The following ACTR2 variants were observed in gnomAD, a reference collection of about 807,000 sequenced individuals.
ACTR2 encodes the protein actin-related protein 2.
A neutral mutation model predicts 50.2 loss-of-function variants in ACTR2; 5 were observed. The ratio of observed to expected loss-of-function variants is 0.10; its 90% CI spans 0.05 to 0.21. The LOEUF is 0.21. Ranked by LOEUF, ACTR2 falls within the 10% of genes least tolerant of loss-of-function variation. ACTR2 has a pLI of 1.00. For synonymous variants in ACTR2, 140 were observed against 162.9 expected (o/e 0.86, Z 1.07); for missense variants, 180 against 480.6 (o/e 0.37, Z 5.85).
rs1268614378 is a variant in ACTR2, at chr2:65,270,466, A to G, written c.*1732A>G. 1 of 152,650 alleles carries G rather than the reference A, an allele frequency of 6.6e-6. No individual in the cohort carries two copies. Among genetic ancestry groups the G allele is most frequent in the Non-Finnish European group, 1.5e-5 (1 of 68,050 alleles). 9.5% of individuals were successfully genotyped at this position (152,650 alleles called of 1,614,324 possible). ...ATAGCCCGTACTAGATCTTGGGAAC[A>G]TGGATCTTAGAGTCACTTTGGAATA... On this transcript the variant is annotated 3_prime_UTR_variant, in exon 9 of 9. Coordinates refer to ENST00000260641, the MANE Select transcript of ACTR2 (RefSeq NM_005722.4).
In ACTR2 at chr2:65,268,617, G is replaced by C; in HGVS notation, c.1068G>C (p.Leu356=). The change falls in exon 9 of 9, where the codon CTG becomes CTC. Residue 356 remains leucine (L), a synonymous_variant. Transcript: ENST00000260641. ...CCCGCAGAAAGCACATGGTATTCCT[G>C]GGTGGTGCAGTTCTAGCGGATATCA... ...DPPRRKHMVF[L]GGAVLADIMK... 1.2e-6 allele frequency: 2 copies of C among 1,614,128 alleles called. No homozygotes were observed. The highest frequency in any genetic ancestry group is 1.7e-6 in the Non-Finnish European group (2 of 1,180,002).
chr2:65,233,341 A>G (rs921888273), intron 1 of ACTR2, among the ~76,000 whole-genome samples: 1 of 151,634 alleles, frequency 6.6e-6, no homozygotes, highest in Admixed American at 6.6e-5. Context: ...AGAAGTAATC[A>G]GATTGTCAGT....
At chr2:65,257,404 A>G (rs1672170826) in intron 6 of ACTR2, among the ~76,000 whole-genome samples, 2 of 152,212 alleles carry the variant, frequency 1.3e-5, no homozygotes, top group Admixed American at 1.3e-4. Flanking sequence ...GTGCTGCAGT[A>G]AACATATGTG....
intron 2 of ACTR2, among the ~76,000 whole-genome samples, chr2:65,245,538 T>C (rs1671919492): frequency 6.6e-6 from 1 of 152,160 alleles, no homozygotes; most frequent in Non-Finnish European, 1.5e-5. Flanking sequence ...AATCTCGTGT[T>C]AATTTTGCTG....
At chr2:65,256,935 A>T (rs956273172) in intron 6 of ACTR2, among the ~76,000 whole-genome samples, 48 of 151,852 alleles carry the variant, frequency 3.2e-4, no homozygotes, top group African/African-American at 1.1e-3. Flanking sequence ...ACCCCCATTT[A>T]AAATTTTTTT....
chr2:65,246,175 C>T (rs1671935525), intron 2 of ACTR2: 1 of 165,866 alleles, frequency 6.0e-6, no homozygotes, highest in Admixed American at 6.3e-5. Context: ...TGCTATTTCA[C>T]ATATCACAGG....
intron 4 of ACTR2, among the ~76,000 whole-genome samples, 166 bp from the exon 5 acceptor site, chr2:65,253,562 G>T (rs1276806739): frequency 6.6e-6 from 1 of 152,014 alleles, no homozygotes; most frequent in African/African-American, 2.4e-5. Context: ...GAGAACACTC[G>T]CTTTAATACT....
chr2:65,228,180 G>T (rs574102308), intron 1 of ACTR2: 4 of 414,078 alleles, frequency 9.7e-6, no homozygotes, highest in African/African-American at 2.1e-5. Flanking sequence ...CCTTCCGGGT[G>T]GGGGCGGCGG....
intron 3 of ACTR2, among the ~76,000 whole-genome samples, chr2:65,248,640 T>G (rs1012558917): frequency 3.3e-5 from 5 of 152,126 alleles, no homozygotes. Context: ...AAGGTAGGGC[T>G]ATAAATGATA....
chr2:65,260,323 A>G (rs1248885108), intron 6 of ACTR2, among the ~76,000 whole-genome samples: 1 of 152,224 alleles, frequency 6.6e-6, no homozygotes, highest in Non-Finnish European at 1.5e-5. Context: ...CCTGGTCAAC[A>G]TGATGAAACC....
At position 65,246,731 on chromosome 2, in the gene ACTR2, A is replaced by G. The variant is rs774885574; in HGVS notation, c.367A>G (p.Ile123Val). Residue 123 changes from isoleucine to valine, a missense_variant, in exon 3 of 9, where the codon ATT becomes GTT. Physicochemically the swap from Ile to Val is conservative, Grantham distance 29. Coordinates refer to ENST00000260641, the MANE Select transcript of ACTR2 (RefSeq NM_005722.4). ...PMNPTKNREK[I>V]VEVMFETYQF... ...GAACCCAACCAAAAACAGAGAGAAG[A>G]TTGTAGAGGTGAGTTTTTATGCAGG... 2.5e-6 allele frequency: 4 copies of G among 1,605,194 alleles called. No individual in the cohort carries two copies. Among genetic ancestry groups the G allele is most frequent in the African/African-American group, 1.3e-5 (1 of 74,232 alleles).
At chr2:65,262,525 G>C (rs1046042620) in intron 7 of ACTR2, among the ~76,000 whole-genome samples, 1 of 144,458 alleles carries the variant, frequency 6.9e-6, no homozygotes. Flanking sequence ...AAACTTCTTA[G>C]TTTGATGTAA....
chr2:65,230,211 A>G (rs1671608934), intron 1 of ACTR2, among the ~76,000 whole-genome samples: 2 of 152,200 alleles, frequency 1.3e-5, no homozygotes, highest in Non-Finnish European at 2.9e-5. Flanking sequence ...ATTGGCCTCT[A>G]AATAAATAAA....
chr2:65,246,117 G>A (rs1671934035), intron 2 of ACTR2: 1 of 159,154 alleles, frequency 6.3e-6, no homozygotes, highest in South Asian at 1.8e-4. Context: ...GCAAAGAAAT[G>A]TGCTGCATGC....
intron 1 of ACTR2, among the ~76,000 whole-genome samples, chr2:65,233,660 G>A (rs564561629): frequency 1.8e-3 from 278 of 151,630 alleles, no homozygotes; most frequent in African/African-American, 6.5e-3. Context: ...CTCCCAGGCT[G>A]GAGTGTATTC....
At position 65,269,053 on chromosome 2, in the gene ACTR2, G is replaced by A. The variant is rs12560; in HGVS notation, c.*319G>A. The A allele has an allele frequency of 0.32, 65,998 of 207,624 alleles. 11,682 individuals carry two copies. Among genetic ancestry groups the A allele is most frequent in the East Asian group, 0.74 (6,073 of 8,248 alleles). 12.9% of individuals were successfully genotyped at this position (207,624 alleles called of 1,614,324 possible). A position where few individuals can be genotyped will look rare whatever the true frequency, so the allele number is the denominator to read the frequency against. On this transcript the variant is annotated 3_prime_UTR_variant, in exon 9 of 9. Transcript: ENST00000260641. ...CTTTACTGCTCTAATGCTGCTAGTC[G>A]TAGTCTTTAGCACACTAGGTGGTAT...
intron 1 of ACTR2, among the ~76,000 whole-genome samples, chr2:65,230,055 A>G (rs1014151536): frequency 6.6e-6 from 1 of 152,196 alleles, no homozygotes; most frequent in African/African-American, 2.4e-5. Flanking sequence ...GAATTATTGG[A>G]AAAATGTTCT....
rs1167454897 is a variant in ACTR2 at position 65,233,081 on chromosome 2, A to C, written c.48+5124A>C. 2.0e-5 allele frequency among the ~76,000 whole-genome samples: 3 copies of C among 149,428 alleles called. No individual in the cohort carries two copies. The Admixed American group carries it at 2.0e-4, about 10-fold the overall frequency. On this transcript the variant is annotated intron_variant, in intron 1 of 8. Coordinates refer to ENST00000260641, the MANE Select transcript of ACTR2 (RefSeq NM_005722.4). ...ATGATTTTGGCTTACTGCAGCCTCCATCTCCCGGGTTCAAGCAATTCTCCT... is the reference window on the plus strand; with the variant it reads ...ATGATTTTGGCTTACTGCAGCCTCCCTCTCCCGGGTTCAAGCAATTCTCCT...
chr2:65,255,841 T>A (rs2104010163), intron 6 of ACTR2, 147 bp downstream of exon 6: 3 of 577,680 alleles, frequency 5.2e-6, no homozygotes, highest in South Asian at 4.8e-5. Flanking sequence ...TGTCTCTTTC[T>A]ACATTAAGTT....
Sources: allele counts gnomAD v4.1 joint callset (sites outside exome capture counted in the v4.1 genomes callset), GRCh38; gene constraint gnomAD v4.1.1; transcripts MANE v1.5; gene names NCBI Gene and HGNC (gene_info 2026-07-23, HGNC 2026-07-21).